PUS7: variants seen among roughly 807,000 people sequenced by gnomAD.
PUS7 encodes the protein pseudouridine synthase 7.
In PUS7, 48 loss-of-function variants were observed where a neutral mutation model predicts 79.8. The ratio of observed to expected loss-of-function variants is 0.60; its 90% CI spans 0.48 to 0.76. The LOEUF is 0.76. PUS7 is among the 30% of genes least tolerant of loss of function. The pLI is 0.00. For missense variants in PUS7, 729 were observed against 797.6 expected, an observed-to-expected ratio of 0.91 and a Z score of 1.04; for synonymous variants, 286 against 272.2, an observed-to-expected ratio of 1.05 and a Z score of -0.50.
chr7:105,516,466 G>A (rs961145270), intron 1 of PUS7, among the ~76,000 whole-genome samples: 3 of 150,672 alleles, frequency 2.0e-5, no homozygotes, highest in African/African-American at 7.3e-5. Flanking sequence ...TTTTTGAGAC[G>A]GAGTTTTGCT....
chr7:105,505,757 TG>T (rs994040775), intron 4 of PUS7, among the ~76,000 whole-genome samples, 197 bp downstream of exon 4: 4 of 151,604 alleles, frequency 2.6e-5, no homozygotes, highest in African/African-American at 7.3e-5. Context: ...AATGTAACTT[TG>T]GGGGGGGCTA....
chr7:105,492,959 G>C (rs1824858847), intron 6 of PUS7, among the ~76,000 whole-genome samples: 1 of 152,142 alleles, frequency 6.6e-6, no homozygotes, highest in South Asian at 2.1e-4. Context: ...TCCTTTCTTA[G>C]CAGTGTAAAC....
At chr7:105,483,859 G>C (rs925735113) in intron 7 of PUS7, among the ~76,000 whole-genome samples, 4 of 152,174 alleles carry the variant, frequency 2.6e-5, no homozygotes, top group African/African-American at 9.7e-5. Context: ...TGTGATGTCT[G>C]TTTGGTTTCC....
At chr7:105,467,524 C>T (rs1310339410) in intron 12 of PUS7, among the ~76,000 whole-genome samples, 1 of 151,584 alleles carries the variant, frequency 6.6e-6, no homozygotes, top group African/African-American at 2.4e-5. Context: ...CTCCTGACCT[C>T]GTGATCTGCC....
At chr7:105,475,935 C>A (rs1047089329) in intron 9 of PUS7, among the ~76,000 whole-genome samples, 12 of 151,940 alleles carry the variant, frequency 7.9e-5, no homozygotes, top group Admixed American at 7.2e-4. Context: ...TAAGAGAAAT[C>A]GTACCATATT....
chr7:105,496,212 TATATATATATATATAGAGAGAG>T (rs1315019283), intron 5 of PUS7, among the ~76,000 whole-genome samples: 92 of 71,182 alleles, frequency 1.3e-3, no homozygotes, highest in African/African-American at 5.3e-3. Context: ...TATATATATA[TATATATATATATATAGAGAGAG>T]AGAGAGAGAG....
intron 7 of PUS7, among the ~76,000 whole-genome samples, chr7:105,484,692 G>A (rs1165863295): frequency 6.6e-6 from 1 of 150,968 alleles, no homozygotes. Context: ...GGTGGCACAC[G>A]CCTGTAATCC....
At chr7:105,460,285 A>ACAGCT (rs1426071833) in intron 14 of PUS7, among the ~76,000 whole-genome samples, 1 of 152,100 alleles carries the variant, frequency 6.6e-6, no homozygotes, top group Non-Finnish European at 1.5e-5. Context: ...TTCACTTTGC[A>ACAGCT]CAGCTGTGAT....
In PUS7 at chr7:105,505,126, A is replaced by G. The variant is rs1377477937; in HGVS notation, c.585+829T>C. The stretch of plus-strand genomic sequence containing the variant: ...AGAGATTCTCTTGCCTCAGCCTCCC[A>G]AGTAGCTGGGACTACAGGCCTGCGC... On this transcript the variant is annotated intron_variant, in intron 4 of 15. Coordinates refer to ENST00000469408, the MANE Select transcript of PUS7 (RefSeq NM_019042.5). Among the ~76,000 whole-genome samples, 3 of 150,988 alleles carry G rather than the reference A, an allele frequency of 2.0e-5. No homozygotes were observed. The East Asian group carries it at 5.8e-4, about 29-fold the overall frequency.
intron 9 of PUS7, among the ~76,000 whole-genome samples, chr7:105,472,437 G>A (rs1433459287): frequency 6.6e-6 from 1 of 151,924 alleles, no homozygotes; most frequent in Non-Finnish European, 1.5e-5. Context: ...GTAGAGATGG[G>A]GTCTCACTAT....
chr7:105,462,361 G>A (rs1823465761), intron 14 of PUS7: 1 of 347,220 alleles, frequency 2.9e-6, no homozygotes. Flanking sequence ...GAACCTGGGA[G>A]GCAGAAGTTG....
intron 7 of PUS7, among the ~76,000 whole-genome samples, chr7:105,490,214 T>C (rs541344114): frequency 6.6e-6 from 1 of 152,128 alleles, no homozygotes; most frequent in East Asian, 1.9e-4. Flanking sequence ...ATGACTGACA[T>C]ACACTGTACA....
intron 9 of PUS7, among the ~76,000 whole-genome samples, chr7:105,478,833 T>G (rs1376194578): frequency 6.6e-6 from 1 of 152,234 alleles, no homozygotes; most frequent in Non-Finnish European, 1.5e-5. Context: ...ATTTGGAATT[T>G]TGAGCTGACC....
Position 105,467,444 on chromosome 7 carries a change from C to T in PUS7, c.1525+893G>A, listed in dbSNP as rs566760321. ...AGCTGGGACTACAGGCGCCTGCCAC[C>T]ACGCCCGGCTAATTTTTTGTATTTT... On this transcript the variant is annotated intron_variant, in intron 12 of 15. Transcript: ENST00000469408. Among the ~76,000 whole-genome samples, 231 of 151,842 alleles carry T rather than the reference C, an allele frequency of 1.5e-3. 1 individual carries two copies. The highest frequency in any genetic ancestry group is 2.4e-3 in the Non-Finnish European group (164 of 67,940).
At chr7:105,496,939 G>A in intron 5 of PUS7, 1 of 1,198,946 alleles carries the variant, frequency 8.3e-7, no homozygotes, top group Non-Finnish European at 1.1e-6. Flanking sequence ...TACATGAAAT[G>A]CCAAATGCTC....
At chr7:105,465,693 C>T in intron 12 of PUS7, among the ~76,000 whole-genome samples, 1 of 152,040 alleles carries the variant, frequency 6.6e-6, no homozygotes, top group East Asian at 1.9e-4. Flanking sequence ...ATTAGCCAGG[C>T]ATGGTGGCGC....
intron 14 of PUS7, among the ~76,000 whole-genome samples, chr7:105,461,494 T>C (rs1823424871): frequency 6.6e-6 from 1 of 152,218 alleles, no homozygotes; most frequent in Admixed American, 6.5e-5. Context: ...TCTCCGGGCT[T>C]ACTTATGAGA....
chr7:105,470,548 C>G (rs1308298720), intron 11 of PUS7, 140 bp downstream of exon 11: 18 of 960,168 alleles, frequency 1.9e-5, no homozygotes, highest in Non-Finnish European at 2.3e-5. Flanking sequence ...AAAGACTACT[C>G]AGGTGAAACA....
chr7:105,494,138 C>G (rs1824906235), intron 6 of PUS7, among the ~76,000 whole-genome samples: 1 of 152,190 alleles, frequency 6.6e-6, no homozygotes, highest in African/African-American at 2.4e-5. Context: ...AGCTCCCAGT[C>G]TGGCAAAACC....
Sources: gnomAD v4.1 joint callset for allele counts (sites outside exome capture counted in the v4.1 genomes callset) on GRCh38, gnomAD v4.1.1 for gene constraint, MANE v1.5 for transcripts, NCBI Gene and HGNC (gene_info 2026-07-23, HGNC 2026-07-21) for gene names.